Variants in FBXO4 observed in about 807,000 individuals in gnomAD.
FBXO4 encodes the protein F-box protein 4.
A neutral mutation model predicts 43.7 loss-of-function variants in FBXO4; 36 were observed. The ratio of observed to expected loss-of-function variants is 0.82; its 90% CI spans 0.63 to 1.09. FBXO4 has a LOEUF of 1.09. FBXO4 is among the 50% of genes least tolerant of loss of function. The probability of loss-of-function intolerance (pLI) is 0.00; values close to 1 mark genes in which losing one functional copy is unlikely to be tolerated. For missense variants in FBXO4, 435 were observed against 474.1 expected (o/e 0.92, Z 0.77); for synonymous variants, 180 against 165.6 (o/e 1.09, Z -0.67).
the FBXO4 span, among the ~76,000 whole-genome samples, chr5:41,972,605 C>T: frequency 2.1e-3 from 317 of 152,200 alleles, 11 homozygotes; most frequent in East Asian, 0.048. Flanking sequence ...AAAAATAAGC[C>T]TGAATAGCCA....
chr5:41,981,842 G>T, the FBXO4 span, among the ~76,000 whole-genome samples: 3 of 150,946 alleles, frequency 2.0e-5, no homozygotes, highest in African/African-American at 7.3e-5. Flanking sequence ...TTGGTGTGCT[G>T]CACCCATTAA....
At chr5:42,004,243 T>G in the FBXO4 span, among the ~76,000 whole-genome samples, 1 of 152,234 alleles carries the variant, frequency 6.6e-6, no homozygotes, top group Non-Finnish European at 1.5e-5. Context: ...CAGTCTTACC[T>G]ATTGAAACTT....
the FBXO4 span, among the ~76,000 whole-genome samples, chr5:42,022,527 T>A: frequency 1.3e-5 from 2 of 152,090 alleles, no homozygotes; most frequent in African/African-American, 4.8e-5. Context: ...CTTTACCACT[T>A]TTACTCTGAT....
chr5:41,944,407 G>T (rs977402493), downstream of FBXO4, among the ~76,000 whole-genome samples: 1 of 152,110 alleles, frequency 6.6e-6, no homozygotes, highest in Admixed American at 6.5e-5. Context: ...CTAGGATAAG[G>T]CCTAAAATTT....
At chr5:41,970,660 G>A in the FBXO4 span, among the ~76,000 whole-genome samples, 1 of 151,802 alleles carries the variant, frequency 6.6e-6, no homozygotes, top group African/African-American at 2.4e-5. Flanking sequence ...AAATAACTTA[G>A]TGTAAGAATT....
the FBXO4 span, among the ~76,000 whole-genome samples, chr5:41,991,395 A>C: frequency 6.6e-6 from 1 of 152,202 alleles, no homozygotes; most frequent in African/African-American, 2.4e-5. Flanking sequence ...TCGTCCTCAG[A>C]AATTCCTGCT....
chr5:41,951,510 G>C, the FBXO4 span: 2 of 258,214 alleles, frequency 7.7e-6, no homozygotes, highest in Admixed American at 5.1e-5. Context: ...GAAGAAGTCT[G>C]TTCGCCCTGA....
chr5:42,016,492 TG>T, the FBXO4 span, among the ~76,000 whole-genome samples: 5,811 of 152,058 alleles, frequency 0.038, 392 homozygotes, highest in African/African-American at 0.13. Flanking sequence ...AAAAAAAGCC[TG>T]GGTCCTTCTC....
the FBXO4 span, chr5:41,951,602 T>G: frequency 4.4e-6 from 1 of 225,048 alleles, no homozygotes; most frequent in Non-Finnish European, 8.7e-6. Context: ...GAAGTAGAGA[T>G]AAGTCATAAT....
the FBXO4 span, among the ~76,000 whole-genome samples, chr5:41,953,102 C>T: frequency 1.1e-4 from 16 of 151,950 alleles, no homozygotes; most frequent in African/African-American, 3.4e-4. Flanking sequence ...CCCATTAACT[C>T]GTCATTTAGC....
downstream of FBXO4, among the ~76,000 whole-genome samples, chr5:41,943,929 A>G (rs914507139): frequency 6.6e-6 from 1 of 152,204 alleles, no homozygotes; most frequent in African/African-American, 2.4e-5. Flanking sequence ...ATAGACAGAC[A>G]AAAGACCACA....
chr5:41,969,886 GA>G, the FBXO4 span, among the ~76,000 whole-genome samples: 2 of 152,196 alleles, frequency 1.3e-5, no homozygotes, highest in South Asian at 2.1e-4. Context: ...AAAAGGTGGG[GA>G]TAAGAGTGAA....
the FBXO4 span, among the ~76,000 whole-genome samples, chr5:42,018,733 A>G: frequency 2.4e-3 from 369 of 152,294 alleles, 5 homozygotes; most frequent in African/African-American, 8.5e-3. Context: ...ATTGAGTTTA[A>G]CAGAGAAAGA....
intron 5 of FBXO4, among the ~76,000 whole-genome samples, chr5:41,937,415 A>C (rs765592229): frequency 2.0e-5 from 3 of 152,204 alleles, no homozygotes; most frequent in Non-Finnish European, 4.4e-5. Flanking sequence ...TCTAGCAAAA[A>C]TATTTTTTTG....
At chr5:42,020,754 T>C in the FBXO4 span, among the ~76,000 whole-genome samples, 1 of 152,166 alleles carries the variant, frequency 6.6e-6, no homozygotes, top group African/African-American at 2.4e-5. Context: ...ACCGGCAGTA[T>C]GGCCTCCACT....
the FBXO4 span, among the ~76,000 whole-genome samples, chr5:41,960,247 T>A: frequency 1.3e-5 from 2 of 150,178 alleles, no homozygotes; most frequent in Admixed American, 6.6e-5. Flanking sequence ...GTTTTAACAG[T>A]TTTTTTTGGC....
At chr5:42,003,280 T>C in the FBXO4 span, among the ~76,000 whole-genome samples, 13 of 152,318 alleles carry the variant, frequency 8.5e-5, no homozygotes, top group East Asian at 2.5e-3. Flanking sequence ...TCACCTCTTG[T>C]GTGATGAAGG....
At chr5:42,003,913 GAC>G in the FBXO4 span, among the ~76,000 whole-genome samples, 1 of 152,050 alleles carries the variant, frequency 6.6e-6, no homozygotes, top group African/African-American at 2.4e-5. Context: ...CTGTTATAAA[GAC>G]ACATGTGCAC....
downstream of FBXO4, among the ~76,000 whole-genome samples, chr5:41,943,247 A>C (rs1382059949): frequency 1.3e-5 from 2 of 152,158 alleles, no homozygotes; most frequent in Non-Finnish European, 2.9e-5. Flanking sequence ...CCTGGACTCT[A>C]GTGTGGTTCA....
Sources: allele counts gnomAD v4.1 joint callset (sites outside exome capture counted in the v4.1 genomes callset), GRCh38; gene constraint gnomAD v4.1.1; transcripts MANE v1.5; gene names NCBI Gene and HGNC (gene_info 2026-07-23, HGNC 2026-07-21).